Variants in CPAMD8 observed in about 807,000 individuals in gnomAD.
CPAMD8 encodes C3 and PZP-like alpha-2-macroglobulin domain-containing protein 8.
CPAMD8 carries 146 observed loss-of-function variants against 224.7 expected under a neutral mutation model. That is an observed-to-expected ratio of 0.65 (90% CI 0.57 to 0.75). The LOEUF is 0.75. CPAMD8 is among the 30% of genes least tolerant of loss of function. The pLI, the probability that CPAMD8 is intolerant of heterozygous loss-of-function variation, is 0.00. For missense variants in CPAMD8, 2,301 were observed against 2,537.5 expected, an observed-to-expected ratio of 0.91 and a Z score of 2.00; for synonymous variants, 966 against 1,044.6, an observed-to-expected ratio of 0.92 and a Z score of 1.45.
intron 39 of CPAMD8, chr19:16,897,423 GC>G: frequency 2.0e-6 from 1 of 501,080 alleles, no homozygotes; most frequent in East Asian, 3.6e-5. Flanking sequence ...CACTGGCTCG[GC>G]CCTGCCCCCA....
At position 16,896,607 on chromosome 19, in the gene CPAMD8, C is replaced by T; in HGVS notation, c.5124G>A (p.Ala1708=). Residue 1708 remains alanine (A), a synonymous_variant, in exon 40 of 42, where the codon GCG becomes GCA. Coordinates refer to ENST00000443236, the MANE Select transcript of CPAMD8 (RefSeq NM_015692.5). ...CGCAGTCGTGGTCGCAGCCGCATCG[C>T]GCGATCGCCGCCCCCTCCTCAGGGG... ...AVAPEEGAAI[A]RCGCDHDCGA... is the part of the protein sequence containing the mutation. The T allele has an allele frequency of 6.6e-7, 1 of 1,506,442 alleles. No homozygotes were observed. Among genetic ancestry groups the T allele is most frequent in the South Asian group, 1.2e-5 (1 of 80,372 alleles). The allele number at this position is 1,506,442 out of a possible 1,614,324, so 93.3% of individuals were successfully genotyped here. A position where few individuals can be genotyped will look rare whatever the true frequency, so the allele number is the denominator to read the frequency against.
chr19:16,967,876 C>CAT (rs1371801540), intron 18 of CPAMD8, among the ~76,000 whole-genome samples: 2 of 106,574 alleles, frequency 1.9e-5, no homozygotes, highest in Non-Finnish European at 2.0e-5. Flanking sequence ...TATATATGTG[C>CAT]ATATATACAC....
chr19:16,899,700 C>A lies in CPAMD8; in HGVS notation c.4774-151G>T. The A allele has an allele frequency of 1.6e-6, 1 of 611,412 alleles. No individual in the cohort carries two copies. Among genetic ancestry groups the A allele is most frequent in the Non-Finnish European group, 3.0e-6 (1 of 334,722 alleles). The allele number at this position is 611,412 out of a possible 1,614,324, so 37.9% of individuals were successfully genotyped here. A position where few individuals can be genotyped will look rare whatever the true frequency, so the allele number is the denominator to read the frequency against. On this transcript the variant is annotated intron_variant, in intron 36 of 41. Transcript: ENST00000443236. The surrounding 1 kb of genome is among the most constrained non-coding windows in gnomAD (Gnocchi z 5.4). ...GCTGGTCAGTGCTCCCCAGGCCCTG[C>A]CAGCCTCTCAGCACCCAGGAGAGGA...
rs1161942032 is a variant in CPAMD8 at position 16,975,264 on chromosome 19, G to C, written c.1909-6C>G. ...TCTTCCAGTTCCTGGAAAACCTGCA[G>C]GCAAAGGGGGACAGAGACTTGTCAG... On this transcript the variant is annotated splice_region_variant and splice_polypyrimidine_tract_variant and intron_variant, in intron 16 of 41. Transcript: ENST00000443236. The C allele has an allele frequency of 6.3e-7, 1 of 1,596,148 alleles. No individual in the cohort carries two copies. Among genetic ancestry groups the C allele is most frequent in the African/African-American group, 1.3e-5 (1 of 74,630 alleles).
intron 27 of CPAMD8, among the ~76,000 whole-genome samples, chr19:16,920,337 A>G (rs2053122309): frequency 6.6e-6 from 1 of 151,988 alleles, no homozygotes; most frequent in African/African-American, 2.4e-5. Context: ...AAAAGTAGCC[A>G]GGCGTGGTGG....
intron 23 of CPAMD8, among the ~76,000 whole-genome samples, chr19:16,936,714 C>T (rs901711171): frequency 5.3e-5 from 8 of 152,096 alleles, no homozygotes; most frequent in African/African-American, 1.9e-4. Context: ...GCCTTGCCCA[C>T]TTTTAATTAG....
chr19:17,011,332 G>A lies in CPAMD8; in HGVS notation c.486+132C>T, dbSNP rs568780217. Reference sequence around the variant, plus strand: ...AAGAACTCCCTGGGGTTCTCCGGGGGACATGAAACAACCATGAAAGAAAAT... The same window carrying A: ...AAGAACTCCCTGGGGTTCTCCGGGGAACATGAAACAACCATGAAAGAAAAT... On this transcript the variant is annotated intron_variant, in intron 5 of 41. Transcript: ENST00000443236. 2.8e-4 allele frequency: 293 copies of A among 1,035,354 alleles called. 1 individual carries two copies. The highest frequency in any genetic ancestry group is 7.2e-6 in the Non-Finnish European group (5 of 693,498). The allele number at this position is 1,035,354 out of a possible 1,614,324, so 64.1% of individuals were successfully genotyped here.
chr19:16,925,633 C>T (rs1239649739), intron 25 of CPAMD8, among the ~76,000 whole-genome samples: 1 of 152,196 alleles, frequency 6.6e-6, no homozygotes, highest in Admixed American at 6.5e-5. Context: ...CTTTTTCCCT[C>T]CCTGGCTTTT....
intron 3 of CPAMD8, among the ~76,000 whole-genome samples, chr19:17,013,013 T>A (rs572702040): frequency 6.6e-6 from 1 of 151,288 alleles, no homozygotes; most frequent in East Asian, 2.0e-4. Context: ...CAAAACCCCA[T>A]CTCTACTAAG....
At chr19:16,975,065 G>T in intron 17 of CPAMD8, 32 bp downstream of exon 17, 4 of 1,603,530 alleles carry the variant, frequency 2.5e-6, no homozygotes, top group Non-Finnish European at 3.4e-6. Context: ...ACTTAGAAGG[G>T]GGCAGAGGGA....
At position 16,897,739 on chromosome 19, in the gene CPAMD8, C is replaced by T. The variant is rs1460483901; in HGVS notation, c.5017G>A (p.Ala1673Thr). 6 of 1,574,966 alleles carry T rather than the reference C, an allele frequency of 3.8e-6. No individual in the cohort carries two copies. Among genetic ancestry groups the T allele is most frequent in the Non-Finnish European group, 5.2e-6 (6 of 1,163,232 alleles). ...THSPLARELC[A>T]GPACNEVERA... ...TCCACTTCGTTGCACGCGGGTCCGG[C>T]GCACAGTTCCCGGGCGAGTGGGCTG... is the stretch of plus-strand genomic sequence containing the variant. Residue 1673 changes from alanine to threonine, a missense_variant, in exon 39 of 42, where the codon GCC becomes ACC. Ala to Thr is a moderately conservative substitution (Grantham distance 58, BLOSUM62 0). This residue lies in a region of CPAMD8 where 1,709 missense variants were observed against 1,753.2 expected (regional missense o/e 0.97). Coordinates refer to ENST00000443236, the MANE Select transcript of CPAMD8 (RefSeq NM_015692.5).
intron 20 of CPAMD8, 24 bp downstream of exon 20, chr19:16,951,945 C>G: frequency 7.2e-7 from 1 of 1,395,438 alleles, no homozygotes; most frequent in South Asian, 1.2e-5. Flanking sequence ...TGGAGGAAGG[C>G]TATGTATTTG....
Position 16,906,974 on chromosome 19 carries a change from G to A in CPAMD8, c.4005C>T (p.Leu1335=), listed in dbSNP as rs2052542175. The A allele has an allele frequency of 1.3e-6, 2 of 1,594,360 alleles. No individual in the cohort carries two copies. Among genetic ancestry groups the A allele is most frequent in the Non-Finnish European group, 1.7e-6 (2 of 1,172,248 alleles). ...SPAAPEALRK[L]RSLAIMRDGV... is the part of the protein sequence containing the mutation. ...TACCTCGCATGATGGCCAGGCTACG[G>A]AGCTTGCGCAGTGCCTCAGGGGCTG... The change falls in exon 30 of 42, where the codon CTC becomes CTT. Residue 1335 remains leucine, a synonymous_variant. Transcript: ENST00000443236.
At chr19:16,904,176 A>AGGCCCCCCCCCCCCCCCCC in intron 32 of CPAMD8, 50 bp downstream of exon 32, 2 of 937,336 alleles carry the variant, frequency 2.1e-6, no homozygotes, top group Non-Finnish European at 3.3e-6. Context: ...GACTGCAGGG[A>AGGCCCCCCCCCCCCCCCCC]CCCCACCCAC....
chr19:16,902,046 T>C (rs911665515), intron 35 of CPAMD8, among the ~76,000 whole-genome samples: 8 of 151,812 alleles, frequency 5.3e-5, no homozygotes, highest in African/African-American at 1.9e-4. Flanking sequence ...ACAAACATCT[T>C]CTTAGGGTGA....
At chr19:16,939,566 G>A (rs2053816398) in intron 22 of CPAMD8, among the ~76,000 whole-genome samples, 1 of 152,134 alleles carries the variant, frequency 6.6e-6, no homozygotes, top group Admixed American at 6.5e-5. Context: ...CAGGTAGCTG[G>A]TTAAACACTC....
intron 1 of CPAMD8, among the ~76,000 whole-genome samples, chr19:17,024,756 G>A (rs907050163): frequency 1.3e-5 from 2 of 152,200 alleles, no homozygotes; most frequent in African/African-American, 2.4e-5. Flanking sequence ...GGCCAACACT[G>A]CTTCTCATCC....
At position 16,992,512 on chromosome 19, in the gene CPAMD8, C is replaced by T. The variant is rs144228469; in HGVS notation, c.1266+904G>A. 8.7e-4 allele frequency among the ~76,000 whole-genome samples: 132 copies of T among 152,180 alleles called. 1 individual carries two copies. The highest frequency in any genetic ancestry group is 3.4e-3 in the Middle Eastern group (1 of 294). ...TGTTGCCTAGGCTGGGGTGCAGTGG[C>T]GCAATCTTGGCTCGCTGCGACTTCC... is the stretch of plus-strand genomic sequence containing the variant. On this transcript the variant is annotated intron_variant, in intron 12 of 41. Transcript: ENST00000443236.
chr19:16,996,330 C>T (rs2122969940), intron 11 of CPAMD8, among the ~76,000 whole-genome samples: 1 of 149,708 alleles, frequency 6.7e-6, no homozygotes, highest in South Asian at 2.1e-4. Flanking sequence ...AGAACAAAAC[C>T]CTGTCTCTAA....
Sources: allele counts gnomAD v4.1 joint callset (sites outside exome capture counted in the v4.1 genomes callset), GRCh38; gene constraint gnomAD v4.1.1; regional missense constraint gnomAD v4.1.1; non-coding constraint Gnocchi (gnomAD v3.1); transcripts MANE v1.5; gene names NCBI Gene and HGNC (gene_info 2026-07-23, HGNC 2026-07-21).